The following VGLL4 variants were observed in gnomAD, a reference collection of about 807,000 sequenced individuals.
The protein encoded by VGLL4 is transcription cofactor vestigial-like protein 4.
VGLL4 carries 7 observed loss-of-function variants against 21.0 expected under a neutral mutation model. That is an observed-to-expected ratio of 0.33 (90% confidence interval 0.19 to 0.63). VGLL4 has a LOEUF of 0.63. Ranked by LOEUF, VGLL4 falls within the 20% of genes least tolerant of loss-of-function variation. The pLI, the probability that VGLL4 is intolerant of heterozygous loss-of-function variation, is 0.78. For missense variants in VGLL4, 394 were observed against 425.7 expected, an observed-to-expected ratio of 0.93 and a Z score of 0.66; for synonymous variants, 222 against 173.2, an observed-to-expected ratio of 1.28 and a Z score of -2.21.
chr3:11,612,960 A>T (rs2075091001), intron 1 of VGLL4, among the ~76,000 whole-genome samples: 1 of 152,210 alleles, frequency 6.6e-6, no homozygotes, highest in Admixed American at 6.5e-5. Flanking sequence ...TATGAAAGTA[A>T]ATTGTTAGCA....
At chr3:11,563,867 A>T (rs2073267968) in intron 3 of VGLL4, among the ~76,000 whole-genome samples, 1 of 151,858 alleles carries the variant, frequency 6.6e-6, no homozygotes, top group Admixed American at 6.6e-5. Flanking sequence ...CACCAGAACC[A>T]CCTCTCCCAA....
intron 1 of VGLL4, among the ~76,000 whole-genome samples, chr3:11,614,470 G>C (rs961838978): frequency 1.3e-5 from 2 of 152,248 alleles, no homozygotes; most frequent in East Asian, 1.9e-4. Context: ...GGCATACAGA[G>C]TGCTGAAGGA....
At chr3:11,625,521 G>A (rs969572904) in intron 1 of VGLL4, among the ~76,000 whole-genome samples, 4 of 152,156 alleles carry the variant, frequency 2.6e-5, no homozygotes, top group African/African-American at 9.7e-5. Context: ...AATAAACCAT[G>A]CTATTGCTCC....
At chr3:11,592,631 A>AT (rs1177202925) in intron 2 of VGLL4, among the ~76,000 whole-genome samples, 1 of 152,194 alleles carries the variant, frequency 6.6e-6, no homozygotes, top group Non-Finnish European at 1.5e-5. Flanking sequence ...CCAGTATCGA[A>AT]TGATTCATCG....
chr3:11,709,398 T>C (rs1040873770), intron 1 of VGLL4, among the ~76,000 whole-genome samples: 3 of 146,270 alleles, frequency 2.1e-5, no homozygotes, highest in South Asian at 2.1e-4. Flanking sequence ...GATTGCACCA[T>C]TGCACTCCAG....
chr3:11,700,252 C>G (rs2076661313), intron 2 of VGLL4, among the ~76,000 whole-genome samples: 2 of 152,100 alleles, frequency 1.3e-5, no homozygotes, highest in South Asian at 4.2e-4. Flanking sequence ...TTTACTCTCC[C>G]CACTTAAAGA....
rs1336132444 is a variant in VGLL4 at position 11,557,278 on chromosome 3, T to C, written c.*1278A>G. 1 of 152,800 alleles carries C rather than the reference T, an allele frequency of 6.5e-6. No homozygotes were observed. The highest frequency in any genetic ancestry group is 1.9e-4 in the East Asian group (1 of 5,344). 9.5% of individuals were successfully genotyped at this position (152,800 alleles called of 1,614,324 possible). ...TAATAACAGTATAAAGTCAGAGGAA[T>C]GTATACTGCCTTGGCCCCAGCGTAC... On this transcript the variant is annotated 3_prime_UTR_variant, in exon 5 of 5. Transcript: ENST00000430365.
chr3:11,583,434 T>C (rs2074287657), intron 2 of VGLL4, among the ~76,000 whole-genome samples: 1 of 151,952 alleles, frequency 6.6e-6, no homozygotes, highest in Non-Finnish European at 1.5e-5. Flanking sequence ...ATCTCAGGAG[T>C]GTAACTTTCT....
chr3:11,572,369 T>C (rs541741661), intron 2 of VGLL4, among the ~76,000 whole-genome samples: 3 of 152,256 alleles, frequency 2.0e-5, no homozygotes, highest in East Asian at 3.9e-4. Flanking sequence ...GCCTTTCCAT[T>C]TTCCGGGAGG....
At chr3:11,689,740 C>T (rs558494433) in intron 2 of VGLL4, among the ~76,000 whole-genome samples, 5 of 152,324 alleles carry the variant, frequency 3.3e-5, no homozygotes, top group South Asian at 4.1e-4. Context: ...TATTAACGCT[C>T]TCCTGGGGAA....
At position 11,601,856 on chromosome 3, in the gene VGLL4, C is replaced by G; in HGVS notation, c.249G>C (p.Met83Ile). ...LDCDNDHVSKMSRIFNPHLNK... is the reference protein window; with the variant it reads ...LDCDNDHVSKISRIFNPHLNK... ...ACAGATGGGGGTTGAAGATGCGACT[C>G]ATTTTGGAGACGTGGTCGTTGTCAC... The change falls in exon 2 of 5, where the codon ATG becomes ATC. Residue 83 changes from methionine (M) to isoleucine (I), a missense_variant. Transcript: ENST00000430365. 1 of 1,613,748 alleles carries G rather than the reference C, an allele frequency of 6.2e-7. No individual in the cohort carries two copies. The highest frequency in any genetic ancestry group is 8.5e-7 in the Non-Finnish European group (1 of 1,179,850).
chr3:11,651,876 C>T (rs1192039463), intron 2 of VGLL4, among the ~76,000 whole-genome samples: 2 of 151,974 alleles, frequency 1.3e-5, no homozygotes, highest in African/African-American at 4.8e-5. Context: ...TGGGGCTGCT[C>T]AAGGATGATT....
Position 11,719,292 on chromosome 3 carries a change from C to CCCG in VGLL4, c.-14+1099_-14+1101dup, listed in dbSNP as rs1270569025. On this transcript the variant is annotated intron_variant, in intron 1 of 5. Transcript: ENST00000273038. This position sits in a 1 kb window ranked among gnomAD's most constrained non-coding sequence, Gnocchi z 4.0. ...CGCCTCCCGAGCGGCCCGGCAAGGA[C>CCCG]CCGCCACCTCCTCCCTCCCGCAGGG... 1.3e-5 allele frequency: 2 copies of CCCG among 152,496 alleles called. No individual in the cohort carries two copies. The highest frequency in any genetic ancestry group is 4.8e-5 in the African/African-American group (2 of 41,458). 9.4% of individuals were successfully genotyped at this position (152,496 alleles called of 1,614,324 possible).
At chr3:11,642,063 T>C (rs1575486215) in intron 1 of VGLL4, among the ~76,000 whole-genome samples, 1 of 150,354 alleles carries the variant, frequency 6.7e-6, no homozygotes, top group Non-Finnish European at 1.5e-5. Context: ...CTGACTACAA[T>C]GTGTGAATGT....
intron 1 of VGLL4, among the ~76,000 whole-genome samples, chr3:11,716,257 G>A (rs908001678): frequency 6.7e-6 from 1 of 148,522 alleles, no homozygotes; most frequent in African/African-American, 2.5e-5. Context: ...AGCTGAGATC[G>A]CGCCACTGCA....
At chr3:11,651,879 G>T (rs1426314873) in intron 2 of VGLL4, among the ~76,000 whole-genome samples, 2 of 152,002 alleles carry the variant, frequency 1.3e-5, no homozygotes, top group Non-Finnish European at 2.9e-5. Context: ...GGCTGCTCAA[G>T]GATGATTTTT....
intron 1 of VGLL4, chr3:11,627,230 A>ACACACC (rs1491347863): frequency 8.1e-6 from 1 of 123,270 alleles, no homozygotes; most frequent in African/African-American, 3.3e-5. Context: ...ACACACACAC[A>ACACACC]CTCTCTCTCT....
rs397826905 is a variant in VGLL4 at position 11,643,682 on chromosome 3, A to AC, written c.-165_-164insG. 3 of 1,430,392 alleles carry AC rather than the reference A, an allele frequency of 2.1e-6. No homozygotes were observed. The highest frequency in any genetic ancestry group is 2.7e-6 in the Non-Finnish European group (3 of 1,098,652). The allele number at this position is 1,430,392 out of a possible 1,614,324, so 88.6% of individuals were successfully genotyped here. ...GTATGCAAAAGTTAAAAAAAAAAAA[A>AC]TCAGGCACAAAAAAATCGAGCTCAC... On this transcript the variant is annotated 5_prime_UTR_variant, in exon 1 of 5. Coordinates refer to ENST00000430365, the MANE Select transcript of VGLL4 (RefSeq NM_001128219.3).
intron 2 of VGLL4, among the ~76,000 whole-genome samples, chr3:11,668,537 G>A (rs1370636448): frequency 6.6e-6 from 1 of 152,104 alleles, no homozygotes; most frequent in Non-Finnish European, 1.5e-5. Context: ...AAGATCTCTG[G>A]GTAAACGTTT....
Sources: allele counts gnomAD v4.1 joint callset (sites outside exome capture counted in the v4.1 genomes callset), GRCh38; gene constraint gnomAD v4.1.1; non-coding constraint Gnocchi (gnomAD v3.1); transcripts MANE v1.5; gene names NCBI Gene and HGNC (gene_info 2026-07-23, HGNC 2026-07-21).